Variants in VAV3 observed in about 807,000 individuals in gnomAD.
The protein encoded by VAV3 is guanine nucleotide exchange factor VAV3.
VAV3 carries 94 observed loss-of-function variants against 131.2 expected under a neutral mutation model. That is an observed-to-expected ratio of 0.72 (90% CI 0.61 to 0.85). The LOEUF is 0.85. Among genes scored for constraint, VAV3 ranks in the 40% least tolerant of loss-of-function variants. The pLI is 0.00. For missense variants in VAV3, 939 were observed against 1,002.7 expected (o/e 0.94, Z 0.86); for synonymous variants, 349 against 342.0 (o/e 1.02, Z -0.22).
chr1:107,732,956 T>C (rs7537551), intron 15 of VAV3, among the ~76,000 whole-genome samples: 76,960 of 152,022 alleles, frequency 0.51, 20,120 homozygotes, highest in East Asian at 0.75. Flanking sequence ...AGACATCTCC[T>C]AGTAGGGGCT....
chr1:107,649,305 G>A (rs9803825), intron 19 of VAV3, among the ~76,000 whole-genome samples: 18,211 of 152,032 alleles, frequency 0.12, 1,217 homozygotes, highest in East Asian at 0.19. Flanking sequence ...AGACACCAGC[G>A]GCTGAAGAGG....
chr1:107,817,362 A>G (rs1667602908), intron 2 of VAV3, among the ~76,000 whole-genome samples: 1 of 152,120 alleles, frequency 6.6e-6, no homozygotes, highest in Non-Finnish European at 1.5e-5. Flanking sequence ...AGATGTGCAC[A>G]GCAGGTCTGG....
intron 2 of VAV3, among the ~76,000 whole-genome samples, chr1:107,833,170 A>T (rs1029848395): frequency 2.0e-5 from 3 of 152,248 alleles, no homozygotes; most frequent in Non-Finnish European, 2.9e-5. Context: ...AATGTAAAGG[A>T]AAAGTTATTG....
At chr1:107,763,758 A>C (rs1449691995) in intron 9 of VAV3, among the ~76,000 whole-genome samples, 2 of 152,224 alleles carry the variant, frequency 1.3e-5, no homozygotes, top group Non-Finnish European at 2.9e-5. Context: ...GTTAACGTGC[A>C]AACTGTCTAA....
At chr1:107,872,901 T>C (rs998500836) in intron 2 of VAV3, among the ~76,000 whole-genome samples, 3 of 152,212 alleles carry the variant, frequency 2.0e-5, no homozygotes, top group Non-Finnish European at 4.4e-5. Flanking sequence ...CAACTACTGG[T>C]GGTATTGGCA....
At chr1:107,588,939 G>C (rs559804595) in intron 25 of VAV3, among the ~76,000 whole-genome samples, 4 of 152,156 alleles carry the variant, frequency 2.6e-5, no homozygotes, top group Non-Finnish European at 5.9e-5. Flanking sequence ...TTGGCTAGAA[G>C]TGCAGTCTCT....
chr1:107,794,456 T>TA (rs1557851566), intron 2 of VAV3, among the ~76,000 whole-genome samples: 1 of 152,276 alleles, frequency 6.6e-6, no homozygotes, highest in African/African-American at 2.4e-5. Context: ...TAATCAGCTT[T>TA]AAAAAATTCT....
intron 2 of VAV3, among the ~76,000 whole-genome samples, chr1:107,858,707 TG>T (rs1195868052): frequency 6.6e-6 from 1 of 152,190 alleles, no homozygotes; most frequent in Non-Finnish European, 1.5e-5. Flanking sequence ...ACTCGGTCCA[TG>T]GAAAAATTTT....
chr1:107,773,078 A>G (rs949991414), intron 4 of VAV3, among the ~76,000 whole-genome samples: 2 of 152,218 alleles, frequency 1.3e-5, no homozygotes, highest in Admixed American at 1.3e-4. Flanking sequence ...TACTATGTAT[A>G]AGCACAAAAA....
At chr1:107,698,081 C>T (rs988209989) in intron 17 of VAV3, among the ~76,000 whole-genome samples, 1 of 152,178 alleles carries the variant, frequency 6.6e-6, no homozygotes, top group South Asian at 2.1e-4. Flanking sequence ...GCATATTTCT[C>T]TGTGCCTTGG....
chr1:107,733,693 A>G (rs906328077), intron 15 of VAV3, among the ~76,000 whole-genome samples: 1 of 152,196 alleles, frequency 6.6e-6, no homozygotes, highest in African/African-American at 2.4e-5. Context: ...TTTAGAGAAA[A>G]AAAAGTAAAA....
intron 2 of VAV3, among the ~76,000 whole-genome samples, chr1:107,794,588 T>C (rs1666450202): frequency 6.6e-6 from 1 of 152,230 alleles, no homozygotes; most frequent in African/African-American, 2.4e-5. Context: ...TGTAGTTGAA[T>C]TACATAGCTA....
intron 25 of VAV3, among the ~76,000 whole-genome samples, chr1:107,576,956 G>A (rs1233261084): frequency 6.6e-6 from 1 of 152,100 alleles, no homozygotes; most frequent in Admixed American, 6.5e-5. Context: ...GCACATCCCA[G>A]CTTATTTTCA....
At chr1:107,779,612 A>G in intron 2 of VAV3, 120 bp from the exon 3 acceptor site, 1 of 588,312 alleles carries the variant, frequency 1.7e-6, no homozygotes, top group Non-Finnish European at 2.7e-6. Flanking sequence ...TGCAGGTGTC[A>G]AAGATGTGCA....
intron 18 of VAV3, among the ~76,000 whole-genome samples, chr1:107,684,925 G>T (rs561920588): frequency 6.6e-6 from 1 of 152,270 alleles, no homozygotes; most frequent in Admixed American, 6.5e-5. Context: ...CAACACAATT[G>T]ACAGTATTTT....
intron 17 of VAV3, among the ~76,000 whole-genome samples, chr1:107,697,307 G>A (rs755665199): frequency 6.6e-5 from 10 of 152,108 alleles, no homozygotes; most frequent in African/African-American, 9.7e-5. Flanking sequence ...ATTTCATACC[G>A]CTAATGAACT....
intron 2 of VAV3, among the ~76,000 whole-genome samples, chr1:107,833,506 TCTC>T (rs1276885179): frequency 6.6e-6 from 1 of 152,218 alleles, no homozygotes; most frequent in African/African-American, 2.4e-5. Context: ...TGTTCAAATC[TCTC>T]TTCTATACTT....
At chr1:107,669,285 T>A in intron 19 of VAV3, 1 of 1,283,474 alleles carries the variant, frequency 7.8e-7, no homozygotes, top group Non-Finnish European at 1.0e-6. Flanking sequence ...GCTGTGTAAG[T>A]GGGGACAAAA....
intron 1 of VAV3, among the ~76,000 whole-genome samples, chr1:107,903,738 T>C (rs1297789472): frequency 6.6e-6 from 1 of 152,134 alleles, no homozygotes; most frequent in Admixed American, 6.5e-5. Flanking sequence ...TATCTTAACA[T>C]TCCCCAGCCA....
Sources: allele counts gnomAD v4.1 joint callset (sites outside exome capture counted in the v4.1 genomes callset), GRCh38; gene constraint gnomAD v4.1.1; transcripts MANE v1.5; gene names NCBI Gene and HGNC (gene_info 2026-07-23, HGNC 2026-07-21).